Variants in GRIP1 observed in about 807,000 individuals in gnomAD.
GRIP1 encodes glutamate receptor interacting protein 1, also known as glutamate receptor-interacting protein 1.
A neutral mutation model predicts 129.9 loss-of-function variants in GRIP1; 45 were observed. That is an observed-to-expected ratio of 0.35 (90% CI 0.27 to 0.44). The LOEUF is 0.44. Among genes scored for constraint, GRIP1 ranks in the 20% least tolerant of loss-of-function variants. The pLI, the probability that GRIP1 is intolerant of heterozygous loss-of-function variation, is 1.00. For missense variants in GRIP1, 1,196 were observed against 1,396.8 expected, an observed-to-expected ratio of 0.86 and a Z score of 2.29; for synonymous variants, 530 against 520.8, an observed-to-expected ratio of 1.02 and a Z score of -0.24.
intron 2 of GRIP1, among the ~76,000 whole-genome samples, chr12:66,594,182 C>T (rs569542385): frequency 1.3e-5 from 2 of 151,766 alleles, no homozygotes; most frequent in African/African-American, 2.4e-5. Context: ...GGGGCCTCTG[C>T]ATGGAGAAGG....
At chr12:66,803,654 T>C (rs1453448738) in intron 1 of GRIP1, among the ~76,000 whole-genome samples, 1 of 152,196 alleles carries the variant, frequency 6.6e-6, no homozygotes, top group Admixed American at 6.5e-5. Context: ...GCATTAAGCA[T>C]TAACATCAAC....
intron 11 of GRIP1, among the ~76,000 whole-genome samples, chr12:66,452,620 C>T (rs1431614024): frequency 6.6e-6 from 1 of 151,860 alleles, no homozygotes; most frequent in East Asian, 1.9e-4. Context: ...AGCAAAGAGA[C>T]TTTTTGCCAT....
intron 4 of GRIP1, 116 bp downstream of exon 4, chr12:66,538,962 T>C (rs1249248220): frequency 2.4e-6 from 2 of 822,770 alleles, no homozygotes; most frequent in South Asian, 1.5e-5. Flanking sequence ...ATCATAAGTA[T>C]GTATGTATAG....
intron 15 of GRIP1, among the ~76,000 whole-genome samples, chr12:66,419,877 C>T (rs1447352028): frequency 2.0e-5 from 3 of 152,226 alleles, no homozygotes; most frequent in African/African-American, 7.2e-5. Flanking sequence ...GGGTGGATCA[C>T]CTGAGGTCAG....
chr12:66,901,450 T>C (rs545238752), intron 1 of GRIP1, among the ~76,000 whole-genome samples: 3 of 152,374 alleles, frequency 2.0e-5, no homozygotes, highest in Non-Finnish European at 4.4e-5. Context: ...CAGTTCTGCT[T>C]ATGCTTCTTG....
rs906334688 is a variant in GRIP1 at position 66,467,456 on chromosome 12, T to C, written c.725-2034A>G. Among the ~76,000 whole-genome samples the C allele has an allele frequency of 7.9e-5, 12 of 152,344 alleles. No homozygotes were observed. In the South Asian group the frequency reaches 1.7e-3, roughly 21 times the overall value. ...CACCTGGTCATTGTGCGTCCTGCCT[T>C]ACTCTCATCTTGGAGTTTTCAGTGA... On this transcript the variant is annotated intron_variant, in intron 7 of 24. Transcript: ENST00000359742.
At chr12:66,533,949 T>G (rs2061536342) in intron 4 of GRIP1, among the ~76,000 whole-genome samples, 1 of 151,952 alleles carries the variant, frequency 6.6e-6, no homozygotes, top group Non-Finnish European at 1.5e-5. Context: ...AGACTCAAAC[T>G]GCTGTGATCC....
In GRIP1 at chr12:66,348,982, A is replaced by AGAT. The variant is rs2054099066; in HGVS notation, c.*34_*36dup. 1 of 1,345,938 alleles carries AGAT rather than the reference A, an allele frequency of 7.4e-7. No homozygotes were observed. The highest frequency in any genetic ancestry group is 1.7e-5 in the Admixed American group (1 of 59,672). 83.4% of individuals were successfully genotyped at this position (1,345,938 alleles called of 1,614,324 possible). On this transcript the variant is annotated 3_prime_UTR_variant, in exon 25 of 25. Transcript: ENST00000359742. ...TCTTAAAGGATTTTTAGCACCATGT[A>AGAT]GATATTGTCTTTTGTCCTGCTTTAT... is the stretch of plus-strand genomic sequence containing the variant.
Position 66,953,003 on chromosome 12 carries a change from T to C in GRIP1, c.58+116047A>G, listed in dbSNP as rs534420599. 2.0e-5 allele frequency among the ~76,000 whole-genome samples: 3 copies of C among 152,382 alleles called. No individual in the cohort carries two copies. The East Asian group carries it at 5.8e-4, about 29-fold the overall frequency. On this transcript the variant is annotated intron_variant, in intron 1 of 1. Transcript: ENST00000643019. Reference sequence around the variant, plus strand: ...ACATAGATATTTAAATTCCAAAGTTTGTTGTGTATAGCTGCAACCCAAATC... The same window carrying C: ...ACATAGATATTTAAATTCCAAAGTTCGTTGTGTATAGCTGCAACCCAAATC...
chr12:66,427,799 G>A (rs965604982), intron 14 of GRIP1, among the ~76,000 whole-genome samples: 12 of 151,924 alleles, frequency 7.9e-5, no homozygotes, highest in Admixed American at 5.2e-4. Context: ...CCTTTTTTGC[G>A]GATCCTAAGT....
At chr12:66,753,398 AC>A (rs1194397491) in intron 1 of GRIP1, among the ~76,000 whole-genome samples, 1 of 152,186 alleles carries the variant, frequency 6.6e-6, no homozygotes, top group Non-Finnish European at 1.5e-5. Context: ...TGGTAAAGTA[AC>A]AGTAGGAAGA....
chr12:67,041,771 A>T (rs1274224183), intron 1 of GRIP1, among the ~76,000 whole-genome samples: 2 of 125,670 alleles, frequency 1.6e-5, no homozygotes, highest in African/African-American at 7.3e-5. Flanking sequence ...GCCACAGGAC[A>T]AAAAAAAAAA....
At chr12:66,410,542 C>G (rs563858472) in intron 15 of GRIP1, among the ~76,000 whole-genome samples, 30 of 151,502 alleles carry the variant, frequency 2.0e-4, no homozygotes, top group Non-Finnish European at 3.5e-4. Flanking sequence ...ACTTGGGAGG[C>G]TGAGGCAGGA....
At chr12:66,517,850 C>T in intron 6 of GRIP1, 51 bp downstream of exon 6, 1 of 951,230 alleles carries the variant, frequency 1.1e-6, no homozygotes, top group Non-Finnish European at 1.7e-6. Context: ...GTTAAAGTCC[C>T]CAGCTTTATT....
At chr12:66,531,252 A>AAATAT (rs1565833708) in intron 4 of GRIP1, among the ~76,000 whole-genome samples, 3 of 19,472 alleles carry the variant, frequency 1.5e-4, no homozygotes, top group Non-Finnish European at 2.3e-4. Context: ...AAAAAAAAAA[A>AAATAT]ATATATATAT....
intron 1 of GRIP1, among the ~76,000 whole-genome samples, chr12:66,882,082 C>A (rs988396500): frequency 2.0e-5 from 3 of 152,038 alleles, no homozygotes; most frequent in Non-Finnish European, 4.4e-5. Flanking sequence ...CCATCTTTCT[C>A]TTCTCATGGC....
In GRIP1 at chr12:66,465,341, G is replaced by T; in HGVS notation, c.806C>A (p.Thr269Asn). 1 of 1,613,726 alleles carries T rather than the reference G, an allele frequency of 6.2e-7. No homozygotes were observed. The highest frequency in any genetic ancestry group is 8.5e-7 in the Non-Finnish European group (1 of 1,179,616). ...GACTTGTTTGTTACAGCACATCGAG[G>T]TAGTTAGGGCAACCCCAAGGCTGGC... is the stretch of plus-strand genomic sequence containing the variant. ...PGASLGVALT[T>N]SMCCNKQVIV... The change falls in exon 8 of 25, where the codon ACC becomes AAC. Residue 269 changes from threonine to asparagine, a missense_variant. By Grantham distance (65) the Thr-to-Asn change is moderately conservative (BLOSUM62 0). This residue lies in a region of GRIP1 where 508 missense variants were observed against 587.0 expected (regional missense o/e 0.87). Transcript: ENST00000359742.
intron 1 of GRIP1, among the ~76,000 whole-genome samples, chr12:66,976,358 G>A (rs572006845): frequency 6.6e-6 from 1 of 152,246 alleles, no homozygotes; most frequent in African/African-American, 2.4e-5. Flanking sequence ...GTCCAATCCA[G>A]TCCTTTGTCA....
chr12:66,400,267 T>C (rs2056937307), intron 16 of GRIP1, among the ~76,000 whole-genome samples: 2 of 149,974 alleles, frequency 1.3e-5, no homozygotes, highest in Admixed American at 1.3e-4. Context: ...ACACTCAAGC[T>C]TGAGAGCCGT....
Sources: allele counts gnomAD v4.1 joint callset (sites outside exome capture counted in the v4.1 genomes callset), GRCh38; gene constraint gnomAD v4.1.1; regional missense constraint gnomAD v4.1.1; transcripts MANE v1.5; gene names NCBI Gene and HGNC (gene_info 2026-07-23, HGNC 2026-07-21).